The following MERTK variants were observed in gnomAD, a reference collection of about 807,000 sequenced individuals.
MERTK encodes the protein MER proto-oncogene, tyrosine kinase.
MERTK carries 69 observed loss-of-function variants against 99.3 expected under a neutral mutation model. That is an observed-to-expected ratio of 0.70 (90% CI 0.57 to 0.85). The LOEUF is 0.85. Ranked by LOEUF, MERTK falls within the 40% of genes least tolerant of loss-of-function variation. The pLI is 0.00. For synonymous variants in MERTK, 426 were observed against 467.6 expected, an observed-to-expected ratio of 0.91 and a Z score of 1.15; for missense variants, 1,125 against 1,249.4, an observed-to-expected ratio of 0.90 and a Z score of 1.50.
Position 112,015,360 on chromosome 2 carries a change from C to T in MERTK, c.2080-4053C>T, listed in dbSNP as rs181251472. Among the ~76,000 whole-genome samples, 72 of 152,208 alleles carry T rather than the reference C, an allele frequency of 4.7e-4. 1 individual carries two copies. The Middle Eastern group carries it at 0.017, about 36-fold the overall frequency. ...TTGTTGCTGGCTTTTCTGGTTTTTC[C>T]TTATAGCTGTCCTGATTGATGTAGA... On this transcript the variant is annotated intron_variant, in intron 15 of 18. Transcript: ENST00000295408.
At chr2:111,992,750 CAAAAAAAAAAA>C (rs35097651) in intron 8 of MERTK, among the ~76,000 whole-genome samples, 3,660 of 104,680 alleles carry the variant, frequency 0.035, 162 homozygotes, top group African/African-American at 0.11. Flanking sequence ...GACTCCGTCT[CAAAAAAAAAAA>C]AAAAAGAAAG....
intron 18 of MERTK, among the ~76,000 whole-genome samples, chr2:112,025,313 G>A (rs990817719): frequency 8.5e-5 from 13 of 152,074 alleles, no homozygotes; most frequent in Non-Finnish European, 1.3e-4. Flanking sequence ...GCTCCTCTCC[G>A]GGACTCACCT....
In MERTK at chr2:112,020,633, C is replaced by G. The variant is rs937958811; in HGVS notation, c.2190-789C>G. Reference sequence around the variant, plus strand: ...CACCTGGCCATCTTAGCAAGAAGCCCAGCATCTTGCTCTTACTGCAGGTAA... The same window carrying G: ...CACCTGGCCATCTTAGCAAGAAGCCGAGCATCTTGCTCTTACTGCAGGTAA... On this transcript the variant is annotated intron_variant, in intron 16 of 18. Transcript: ENST00000295408. 17 of 470,994 alleles carry G rather than the reference C, an allele frequency of 3.6e-5. 1 individual carries two copies. The highest frequency in any genetic ancestry group is 3.3e-4 in the Admixed American group (14 of 42,562). 29.2% of individuals were successfully genotyped at this position (470,994 alleles called of 1,614,324 possible). A position where few individuals can be genotyped will look rare whatever the true frequency, so the allele number is the denominator to read the frequency against.
At chr2:111,949,867 C>A (rs1465966666) in intron 4 of MERTK, among the ~76,000 whole-genome samples, 1 of 152,118 alleles carries the variant, frequency 6.6e-6, no homozygotes, top group Non-Finnish European at 1.5e-5. Flanking sequence ...ACATACTTTC[C>A]GTGGCTTCTT....
At chr2:111,965,392 C>A in intron 5 of MERTK, 115 bp downstream of exon 5, 1 of 972,164 alleles carries the variant, frequency 1.0e-6, no homozygotes. Context: ...TCTCAAGGTT[C>A]TTTGTGACCT....
chr2:111,939,654 ATTTTTTTTTTTTTTTT>A, intron 2 of MERTK, among the ~76,000 whole-genome samples: 1 of 88,262 alleles, frequency 1.1e-5, no homozygotes, highest in Non-Finnish European at 2.3e-5. Context: ...CTAATTTTTA[ATTTTTTTTTTTTTTTT>A]TTTTTTTTTT....
At chr2:111,963,196 G>T (rs568193005) in intron 4 of MERTK, among the ~76,000 whole-genome samples, 25 of 152,248 alleles carry the variant, frequency 1.6e-4, no homozygotes, top group Non-Finnish European at 3.4e-4. Flanking sequence ...TTAAAGAGCA[G>T]TATTGCTGCC....
At position 112,008,482 on chromosome 2, in the gene MERTK, C is replaced by G. The variant is rs997263071; in HGVS notation, c.1960+7C>G. ...AATGTCATTCGACTTCTAGGTACTT[C>G]CGAGAAATGCAGGAGTGGGTGGCCA... On this transcript the variant is annotated splice_region_variant and intron_variant, in intron 14 of 18. Coordinates refer to ENST00000295408, the MANE Select transcript of MERTK (RefSeq NM_006343.3). 9.3e-6 allele frequency: 15 copies of G among 1,610,494 alleles called. No individual in the cohort carries two copies. The East Asian group carries it at 2.2e-4, about 24-fold the overall frequency.
chr2:111,917,603 G>A (rs1330897719), intron 1 of MERTK, among the ~76,000 whole-genome samples: 5 of 152,052 alleles, frequency 3.3e-5, no homozygotes, highest in Admixed American at 6.6e-5. Context: ...GCTAAAAGAC[G>A]AGGCCAGGCG....
chr2:111,968,705 T>A (rs1676003840), intron 6 of MERTK, among the ~76,000 whole-genome samples: 1 of 152,062 alleles, frequency 6.6e-6, no homozygotes, highest in South Asian at 2.1e-4. Context: ...AAGTTTGCAT[T>A]TTTAGTAGAG....
chr2:111,992,399 C>T (rs539534301), intron 8 of MERTK, among the ~76,000 whole-genome samples: 10 of 152,034 alleles, frequency 6.6e-5, no homozygotes, highest in African/African-American at 2.4e-4. Flanking sequence ...AGCTCTGCAC[C>T]CCTTCCCATG....
chr2:111,930,013 A>G (rs1002670135), intron 2 of MERTK, among the ~76,000 whole-genome samples: 2 of 152,226 alleles, frequency 1.3e-5, no homozygotes, highest in Non-Finnish European at 2.9e-5. Context: ...GATAACTGAC[A>G]GTGTGTGTTC....
At chr2:111,936,033 T>TA (rs1684759760) in intron 2 of MERTK, among the ~76,000 whole-genome samples, 1 of 152,010 alleles carries the variant, frequency 6.6e-6, no homozygotes. Flanking sequence ...TCTCCTGACT[T>TA]AGTCTCCTGA....
chr2:111,963,209 A>C (rs1244784897), intron 4 of MERTK, among the ~76,000 whole-genome samples: 2 of 152,246 alleles, frequency 1.3e-5, no homozygotes, highest in African/African-American at 4.8e-5. Context: ...TTGCTGCCGC[A>C]TGTCCTACCT....
chr2:111,996,677 A>G (rs1676750513), intron 9 of MERTK: 1 of 166,736 alleles, frequency 6.0e-6, no homozygotes. Context: ...AGGTTGTGAC[A>G]AAAAGGTTGA....
intron 1 of MERTK, among the ~76,000 whole-genome samples, chr2:111,910,415 G>A (rs1041869194): frequency 5.9e-5 from 9 of 151,810 alleles, no homozygotes; most frequent in African/African-American, 1.5e-4. Flanking sequence ...GATTACAGGC[G>A]CCTGCCACCA....
At chr2:112,013,408 T>G (rs1242190915) in intron 15 of MERTK, 8 of 154,508 alleles carry the variant, frequency 5.2e-5, no homozygotes, top group Middle Eastern at 5.2e-4. Context: ...AACACCTTAG[T>G]ACAATTGTTG....
At chr2:111,915,506 T>G (rs775617334) in intron 1 of MERTK, among the ~76,000 whole-genome samples, 7 of 152,180 alleles carry the variant, frequency 4.6e-5, no homozygotes, top group Non-Finnish European at 8.8e-5. Flanking sequence ...CAGCACTGCT[T>G]TAGCTGTATC....
rs143628968 is a variant in MERTK at position 111,960,047 on chromosome 2, A to G, written c.758-5144A>G. On this transcript the variant is annotated intron_variant, in intron 4 of 18. Transcript: ENST00000295408. ...AATGAGAATTAAAAGAGCAAACAAT[A>G]TATTATTATTATGAAAATAGTTTTG... is the stretch of plus-strand genomic sequence containing the variant. 6.4e-3 allele frequency among the ~76,000 whole-genome samples: 975 copies of G among 152,252 alleles called. 13 individuals are homozygous for G. Among genetic ancestry groups the G allele is most frequent in the African/African-American group, 0.023 (941 of 41,530 alleles).
Sources: allele counts gnomAD v4.1 joint callset (sites outside exome capture counted in the v4.1 genomes callset), GRCh38; gene constraint gnomAD v4.1.1; transcripts MANE v1.5; gene names NCBI Gene and HGNC (gene_info 2026-07-23, HGNC 2026-07-21).